Variants in TNS1 observed in about 807,000 individuals in gnomAD.
The protein encoded by TNS1 is tensin-1.
A neutral mutation model predicts 168.6 loss-of-function variants in TNS1; 62 were observed. That is an observed-to-expected ratio of 0.37 (90% CI 0.30 to 0.45). TNS1 has a LOEUF of 0.45. TNS1 is among the 20% of genes least tolerant of loss of function. TNS1 has a pLI of 1.00. For missense variants in TNS1, 2,240 were observed against 2,339.4 expected, an observed-to-expected ratio of 0.96 and a Z score of 0.88; for synonymous variants, 934 against 933.2, an observed-to-expected ratio of 1.00 and a Z score of -0.02.
chr2:217,821,974 G>C, intron 22 of TNS1, 36 bp from the exon 23 acceptor site: 1 of 1,547,426 alleles, frequency 6.5e-7, no homozygotes, highest in East Asian at 2.4e-5. Context: ...ACTGAGCACA[G>C]ATGCACAGGG....
upstream of TNS1, among the ~76,000 whole-genome samples, chr2:218,006,784 T>C (rs779431246): frequency 5.3e-5 from 8 of 152,186 alleles, no homozygotes; most frequent in Non-Finnish European, 1.0e-4. Flanking sequence ...TAAAATATTT[T>C]TACAAAATTG....
chr2:217,851,870 A>G (rs1191841098), intron 18 of TNS1, among the ~76,000 whole-genome samples: 11 of 152,206 alleles, frequency 7.2e-5, no homozygotes, highest in Non-Finnish European at 1.5e-5. Context: ...TCAGCCTGGC[A>G]TGGTGACTCA....
chr2:217,839,471 A>G, intron 19 of TNS1, among the ~76,000 whole-genome samples: 1 of 152,170 alleles, frequency 6.6e-6, no homozygotes, highest in East Asian at 1.9e-4. Flanking sequence ...TTCTGCCAGG[A>G]CAGTGCTGTG....
intron 24 of TNS1, among the ~76,000 whole-genome samples, chr2:217,816,429 C>A (rs772368141): frequency 1.3e-5 from 2 of 152,154 alleles, no homozygotes; most frequent in Non-Finnish European, 2.9e-5. Flanking sequence ...TTTACACTCC[C>A]TTATGCTTCT....
intron 8 of TNS1, among the ~76,000 whole-genome samples, chr2:217,897,511 A>G (rs1049505467): frequency 1.3e-5 from 2 of 152,234 alleles, no homozygotes; most frequent in Admixed American, 1.3e-4. Context: ...CAAGCGCTCA[A>G]TAACCTGAAC....
intron 18 of TNS1, among the ~76,000 whole-genome samples, chr2:217,877,766 G>A (rs1950319523): frequency 6.6e-6 from 1 of 152,182 alleles, no homozygotes; most frequent in South Asian, 2.1e-4. Flanking sequence ...CCTCCTGGGG[G>A]ACCAGGAGCT....
intron 3 of TNS1, among the ~76,000 whole-genome samples, chr2:217,963,817 G>A (rs562312625): frequency 6.7e-6 from 1 of 148,864 alleles, no homozygotes; most frequent in African/African-American, 2.5e-5. Context: ...GCCTAAGTGG[G>A]AAGATTGCCT....
intron 3 of TNS1, among the ~76,000 whole-genome samples, chr2:217,924,426 A>G (rs1018843400): frequency 2.6e-5 from 4 of 152,170 alleles, no homozygotes; most frequent in African/African-American, 9.7e-5. Context: ...TTCCTTGTCT[A>G]TAATCTGTTT....
chr2:217,891,462 A>ACACAG (rs1163533212), intron 11 of TNS1, among the ~76,000 whole-genome samples: 3 of 152,196 alleles, frequency 2.0e-5, no homozygotes, highest in East Asian at 3.9e-4. Flanking sequence ...CACTCATGGC[A>ACACAG]CACAGTAGGG....
chr2:217,928,598 C>T (rs1239470369), intron 3 of TNS1, among the ~76,000 whole-genome samples: 1 of 152,184 alleles, frequency 6.6e-6, no homozygotes, highest in Non-Finnish European at 1.5e-5. Context: ...GCCCTTTCCC[C>T]AAACCCAGCA....
chr2:217,813,073 A>G lies in TNS1; in HGVS notation c.4954+142T>C, dbSNP rs968675205. The G allele has an allele frequency of 8.9e-5, 58 of 652,022 alleles. No individual in the cohort carries two copies. The highest frequency in any genetic ancestry group is 2.4e-4 in the Admixed American group (9 of 38,016). The allele number at this position is 652,022 out of a possible 1,614,324, so 40.4% of individuals were successfully genotyped here. ...GCACTGCGGAGGGAGAGAAGCTTTC[A>G]TTCATTTTCTCTGCTGAATTTATGA... is the stretch of plus-strand genomic sequence containing the variant. On this transcript the variant is annotated intron_variant, in intron 27 of 32. Coordinates refer to ENST00000682258, the MANE Select transcript of TNS1 (RefSeq NM_001387777.1). The surrounding 1 kb of genome is among the most constrained non-coding windows in gnomAD (Gnocchi z 4.0).
rs1942132096 is a variant in TNS1 at position 217,817,785 on chromosome 2, G to C, written c.4547C>G (p.Ser1516Cys). ...PNYATINGKV[S>C]SPVASGMSSP... ...GGACATGCCGCTGGCGACAGGCGAA[G>C]ACACCTTCCCATTGATGGTGGCATA... The change falls in exon 24 of 33, where the codon TCT becomes TGT. Residue 1516 changes from serine to cysteine, a missense_variant. Transcript: ENST00000682258. 3 of 1,614,114 alleles carry C rather than the reference G, an allele frequency of 1.9e-6. No homozygotes were observed. The highest frequency in any genetic ancestry group is 2.5e-6 in the Non-Finnish European group (3 of 1,180,048).
intron 1 of TNS1, among the ~76,000 whole-genome samples, chr2:218,024,661 G>A (rs1398323721): frequency 6.6e-6 from 1 of 152,164 alleles, no homozygotes; most frequent in African/African-American, 2.4e-5. Context: ...GCCAGCCCAG[G>A]CCAGCCCCAG....
chr2:217,843,880 C>G (rs1946306060), intron 19 of TNS1, among the ~76,000 whole-genome samples: 1 of 152,164 alleles, frequency 6.6e-6, no homozygotes, highest in Admixed American at 6.5e-5. Context: ...TTAACCATCA[C>G]CTTTGTGAGA....
At position 217,804,433 on chromosome 2, in the gene TNS1, C is replaced by T. The variant is rs779789510; in HGVS notation, c.*26G>A. The T allele has an allele frequency of 6.2e-7, 1 of 1,613,564 alleles. No homozygotes were observed. Among genetic ancestry groups the T allele is most frequent in the Non-Finnish European group, 8.5e-7 (1 of 1,179,678 alleles). ...CTCCCCACAAGCCCCTTCCCCATGGCACTGGCCCTGGGCAAGGGGCAGGGT... is the reference window on the plus strand; with the variant it reads ...CTCCCCACAAGCCCCTTCCCCATGGTACTGGCCCTGGGCAAGGGGCAGGGT... On this transcript the variant is annotated 3_prime_UTR_variant, in exon 33 of 33. Transcript: ENST00000682258.
intron 22 of TNS1, 82 bp from the exon 23 acceptor site, chr2:217,822,020 A>T (rs1049752581): frequency 2.2e-6 from 3 of 1,382,774 alleles, no homozygotes; most frequent in African/African-American, 3.0e-5. Context: ...CCCCTGGAAC[A>T]CAGCTTCCTG....
Position 217,847,816 on chromosome 2 carries a change from G to A in TNS1, c.2701C>T (p.Pro901Ser), listed in dbSNP as rs1191190808. Residue 901 changes from proline to serine, a missense_variant, in exon 19 of 33, where the codon CCT becomes TCT. Transcript: ENST00000682258. ...AGAGAGGCCCGTGGGGCTGGCTCAG[G>A]GGTTCCCAACGAATGCCCACTGGGG... is the stretch of plus-strand genomic sequence containing the variant. ...YIPSGHSLGTPEPAPRASLES... is the reference protein window; with the variant it reads ...YIPSGHSLGTSEPAPRASLES... 2 of 1,598,506 alleles carry A rather than the reference G, an allele frequency of 1.3e-6. No individual in the cohort carries two copies. The highest frequency in any genetic ancestry group is 1.1e-5 in the South Asian group (1 of 90,670).
Position 217,813,977 on chromosome 2 carries a change from G to A in TNS1, c.4730-161C>T. The A allele has an allele frequency of 1.2e-6, 1 of 816,948 alleles. No homozygotes were observed. The highest frequency in any genetic ancestry group is 2.6e-5 in the South Asian group (1 of 37,768). The allele number at this position is 816,948 out of a possible 1,614,324, so 50.6% of individuals were successfully genotyped here. A position where few individuals can be genotyped will look rare whatever the true frequency, so the allele number is the denominator to read the frequency against. On this transcript the variant is annotated intron_variant, in intron 25 of 32. Coordinates refer to ENST00000682258, the MANE Select transcript of TNS1 (RefSeq NM_001387777.1). The surrounding 1 kb of genome is among the most constrained non-coding windows in gnomAD (Gnocchi z 4.0). ...ACTCCTACGGGTCTTCCTGTACTCA[G>A]GTTGGCAAACTTATTCTGTTGGGTT...
At chr2:217,817,598 G>T in intron 24 of TNS1, 92 bp downstream of exon 24, 3 of 1,162,230 alleles carry the variant, frequency 2.6e-6, no homozygotes, top group South Asian at 1.5e-5. Flanking sequence ...CGTCTGCCAA[G>T]AGAATGTCAG....
Sources: allele counts gnomAD v4.1 joint callset (sites outside exome capture counted in the v4.1 genomes callset), GRCh38; gene constraint gnomAD v4.1.1; non-coding constraint Gnocchi (gnomAD v3.1); transcripts MANE v1.5; gene names NCBI Gene and HGNC (gene_info 2026-07-23, HGNC 2026-07-21).